The following ALX1 variants were observed in gnomAD, a reference collection of about 807,000 sequenced individuals.
ALX1 encodes the protein ALX homeobox 1, also known as ALX homeobox protein 1.
A neutral mutation model predicts 31.7 loss-of-function variants in ALX1; 19 were observed. That is an observed-to-expected ratio of 0.60 (90% confidence interval 0.42 to 0.88). ALX1 has a LOEUF of 0.88. Ranked by LOEUF, ALX1 falls within the 40% of genes least tolerant of loss-of-function variation. The pLI is 0.00. For synonymous variants in ALX1, 153 were observed against 148.8 expected, an observed-to-expected ratio of 1.03 and a Z score of -0.20; for missense variants, 415 against 407.8, an observed-to-expected ratio of 1.02 and a Z score of -0.15.
At chr12:85,289,861 T>A (rs557128391) in intron 3 of ALX1, among the ~76,000 whole-genome samples, 1 of 151,310 alleles carries the variant, frequency 6.6e-6, no homozygotes, top group Non-Finnish European at 1.5e-5. Context: ...AATGAAATGT[T>A]TTTTTTATCA....
chr12:85,284,222 T>G (rs568854085), intron 2 of ALX1, among the ~76,000 whole-genome samples: 537 of 43,022 alleles, frequency 0.012, 3 homozygotes, highest in African/African-American at 0.027. Context: ...TATTTATTTG[T>G]TTTTTTTTTT....
chr12:85,290,290 CTG>C (rs949037137), intron 3 of ALX1, among the ~76,000 whole-genome samples: 25 of 151,246 alleles, frequency 1.7e-4, no homozygotes, highest in African/African-American at 5.8e-4. Flanking sequence ...AAGCCAGACA[CTG>C]TGCTTCCTTC....
chr12:85,300,710 G>T (rs192370462), intron 3 of ALX1, among the ~76,000 whole-genome samples: 1 of 152,076 alleles, frequency 6.6e-6, no homozygotes. Flanking sequence ...GGTTTCCAAC[G>T]AAAACTGCCA....
intron 3 of ALX1, among the ~76,000 whole-genome samples, chr12:85,300,782 AC>A (rs1287471952): frequency 1.3e-5 from 2 of 152,122 alleles, no homozygotes; most frequent in Non-Finnish European, 2.9e-5. Flanking sequence ...GTTTAGAAAG[AC>A]AAAAACTATC....
At chr12:85,295,329 T>G (rs565036246) in intron 3 of ALX1, among the ~76,000 whole-genome samples, 1 of 151,624 alleles carries the variant, frequency 6.6e-6, no homozygotes, top group South Asian at 2.1e-4. Flanking sequence ...AGCATATGAT[T>G]CTTATTAATA....
At chr12:85,296,150 T>C (rs1896884663) in intron 3 of ALX1, among the ~76,000 whole-genome samples, 1 of 151,498 alleles carries the variant, frequency 6.6e-6, no homozygotes. Flanking sequence ...AAACCAGGGT[T>C]AGAACAACAA....
In ALX1 at chr12:85,301,725, T is replaced by C; in HGVS notation, c.*250T>C. On this transcript the variant is annotated 3_prime_UTR_variant, in exon 4 of 4. Transcript: ENST00000316824. ...TTAGTAGTAAGGTTTTCTTTTTCTA[T>C]TGTACAAGTCAATGAAATATGATCA... The C allele has an allele frequency of 3.7e-6, 2 of 538,060 alleles. No homozygotes were observed. Among genetic ancestry groups the C allele is most frequent in the South Asian group, 4.7e-5 (2 of 42,210 alleles). The allele number at this position is 538,060 out of a possible 1,614,324, so 33.3% of individuals were successfully genotyped here.
chr12:85,286,497 C>A (rs527281263), intron 2 of ALX1, among the ~76,000 whole-genome samples: 1 of 151,896 alleles, frequency 6.6e-6, no homozygotes, highest in African/African-American at 2.4e-5. Flanking sequence ...TTGCAGCATT[C>A]TCTTAAAGGA....
chr12:85,280,907 C>T (rs1246482044), intron 1 of ALX1, among the ~76,000 whole-genome samples: 1 of 151,138 alleles, frequency 6.6e-6, no homozygotes, highest in Non-Finnish European at 1.5e-5. Flanking sequence ...CGTTAGAGTA[C>T]GTCACTGTCG....
chr12:85,292,217 G>T (rs1319843718), intron 3 of ALX1, among the ~76,000 whole-genome samples: 1 of 150,908 alleles, frequency 6.6e-6, no homozygotes, highest in African/African-American at 2.4e-5. Flanking sequence ...ACTATGTAGG[G>T]ATCTAGGGAA....
intron 3 of ALX1, among the ~76,000 whole-genome samples, chr12:85,299,149 G>C (rs1284998277): frequency 7.1e-6 from 1 of 140,052 alleles, no homozygotes; most frequent in Non-Finnish European, 1.5e-5. Flanking sequence ...TTTTTTTTAA[G>C]TAAGCAAGCA....
In ALX1 at chr12:85,283,683, A is replaced by G. The variant is rs1288725679; in HGVS notation, c.338A>G (p.Lys113Arg). Residue 113 changes from lysine to arginine, a missense_variant, in exon 2 of 4, where the codon AAG becomes AGG. By Grantham distance (26) the Lys-to-Arg change is conservative (BLOSUM62 2). Around this residue, in one of 3 missense-constraint regions of ALX1, gnomAD observed 235 missense variants for 208.9 expected, o/e 1.13. Coordinates refer to ENST00000316824, the MANE Select transcript of ALX1 (RefSeq NM_006982.3). ...RMSPVKGMQE[K>R]GELDELGDKC... is the part of the protein sequence containing the mutation. ...TCTCCCGTGAAAGGGATGCAAGAGA[A>G]GGGAGAGCTGGATGAACTTGGGGAT... 5 of 1,614,178 alleles carry G rather than the reference A, an allele frequency of 3.1e-6. No homozygotes were observed. Among genetic ancestry groups the G allele is most frequent in the Non-Finnish European group, 4.2e-6 (5 of 1,180,014 alleles).
chr12:85,286,674 C>T (rs1448700283), intron 2 of ALX1, among the ~76,000 whole-genome samples, 179 bp from the exon 3 acceptor site: 1 of 151,908 alleles, frequency 6.6e-6, no homozygotes, highest in Non-Finnish European at 1.5e-5. Context: ...GGGAAAATCA[C>T]TTACCACATC....
rs189559106 is a variant in ALX1, at chr12:85,293,308, T to C, written c.660+6327T>C. Among the ~76,000 whole-genome samples the C allele has an allele frequency of 6.6e-5, 10 of 150,410 alleles. No homozygotes were observed. In the East Asian group the frequency reaches 1.9e-3, roughly 29 times the overall value. On this transcript the variant is annotated intron_variant, in intron 3 of 3. Coordinates refer to ENST00000316824, the MANE Select transcript of ALX1 (RefSeq NM_006982.3). ...TATGTGTAGCATGAGACAATTTTTG[T>C]CAGTATCATTAGGTGAAGGTACAGT...
chr12:85,299,237 T>C (rs1246191504), intron 3 of ALX1, among the ~76,000 whole-genome samples: 1 of 151,588 alleles, frequency 6.6e-6, no homozygotes, highest in East Asian at 1.9e-4. Context: ...ATGTGTGTGA[T>C]TGAATGTCAG....
chr12:85,287,354 A>G (rs779551690), intron 3 of ALX1, among the ~76,000 whole-genome samples: 3 of 151,570 alleles, frequency 2.0e-5, no homozygotes, highest in African/African-American at 4.8e-5. Context: ...TTAGCATGCA[A>G]TCTCTGTGGA....
chr12:85,290,698 C>A (rs1896806968), intron 3 of ALX1, among the ~76,000 whole-genome samples: 1 of 151,060 alleles, frequency 6.6e-6, no homozygotes, highest in African/African-American at 2.4e-5. Flanking sequence ...TGTGATTTAA[C>A]TAAATTAATC....
At chr12:85,293,263 G>T (rs1896842750) in intron 3 of ALX1, among the ~76,000 whole-genome samples, 1 of 149,664 alleles carries the variant, frequency 6.7e-6, no homozygotes, top group South Asian at 2.1e-4. Flanking sequence ...ATATGTATGT[G>T]TGTATATATA....
intron 2 of ALX1, among the ~76,000 whole-genome samples, chr12:85,284,586 AT>A (rs1896724520): frequency 6.6e-6 from 1 of 152,158 alleles, no homozygotes; most frequent in Admixed American, 6.5e-5. Context: ...TTTATAAGAT[AT>A]ATTCTAGTTA....
Sources: allele counts gnomAD v4.1 joint callset (sites outside exome capture counted in the v4.1 genomes callset), GRCh38; gene constraint gnomAD v4.1.1; regional missense constraint gnomAD v4.1.1; transcripts MANE v1.5; gene names NCBI Gene and HGNC (gene_info 2026-07-23, HGNC 2026-07-21).